The following CFAP57 variants were observed in gnomAD, a reference collection of about 807,000 sequenced individuals.
CFAP57 encodes the protein cilia and flagella associated protein 57, also known as cilia- and flagella-associated protein 57.
Under a neutral mutation model 146.8 loss-of-function variants are expected in CFAP57, and 116 were observed. The observed-to-expected ratio is 0.79, with a 90% CI of 0.68 to 0.92. CFAP57 has a LOEUF of 0.92. CFAP57 is among the 40% of genes least tolerant of loss of function. CFAP57 has a pLI of 0.00. For synonymous variants in CFAP57, 518 were observed against 552.8 expected, an observed-to-expected ratio of 0.94 and a Z score of 0.88; for missense variants, 1,377 against 1,527.2, an observed-to-expected ratio of 0.90 and a Z score of 1.64.
At chr1:43,236,857 CAAG>C (rs1645720799) in intron 21 of CFAP57, among the ~76,000 whole-genome samples, 1 of 150,566 alleles carries the variant, frequency 6.6e-6, no homozygotes, top group African/African-American at 2.5e-5. Context: ...TGCAGTGAGC[CAAG>C]ATCGGGCCAC....
At chr1:43,178,855 G>A (rs1262112238) in intron 2 of CFAP57, among the ~76,000 whole-genome samples, 1 of 152,090 alleles carries the variant, frequency 6.6e-6, no homozygotes, top group African/African-American at 2.4e-5. Flanking sequence ...TTGTGGCACT[G>A]TTCACAATAG....
intron 9 of CFAP57, among the ~76,000 whole-genome samples, chr1:43,200,983 G>A (rs1644097466): frequency 6.6e-6 from 1 of 152,210 alleles, no homozygotes; most frequent in Admixed American, 6.5e-5. Context: ...TGAAAGCTGG[G>A]TTAGGAACTA....
intron 2 of CFAP57, 80 bp downstream of exon 2, chr1:43,172,990 A>G: frequency 2.1e-6 from 3 of 1,403,078 alleles, no homozygotes; most frequent in Admixed American, 1.7e-5. Flanking sequence ...GATGATTGGA[A>G]AGAAAGATTT....
In CFAP57 at chr1:43,198,562, G is replaced by A; in HGVS notation, c.1344G>A (p.Gly448=). ...LHPSGHFIVV[G]FADKLRLMNL... ...CATCTGGACACTTCATTGTAGTAGGGTTTGCTGACAAACTACGCCTCATGA... is the reference window on the plus strand; with the variant it reads ...CATCTGGACACTTCATTGTAGTAGGATTTGCTGACAAACTACGCCTCATGA... The change falls in exon 8 of 23, where the codon GGG becomes GGA. Residue 448 remains glycine (G), a synonymous_variant. Transcript: ENST00000372492. 4 of 1,614,060 alleles carry A rather than the reference G, an allele frequency of 2.5e-6. No individual in the cohort carries two copies. The highest frequency in any genetic ancestry group is 2.2e-5 in the South Asian group (2 of 91,086).
At chr1:43,212,463 T>G (rs1023724962) in intron 11 of CFAP57, among the ~76,000 whole-genome samples, 3 of 152,224 alleles carry the variant, frequency 2.0e-5, no homozygotes, top group Non-Finnish European at 4.4e-5. Context: ...GATGTTTTGT[T>G]ACAGTCATAG....
intron 12 of CFAP57, among the ~76,000 whole-genome samples, chr1:43,216,270 G>GCT (rs1644829229): frequency 3.3e-5 from 5 of 152,160 alleles, no homozygotes; most frequent in Admixed American, 3.3e-4. Context: ...ATAGAAACAA[G>GCT]TAAAGCCATC....
rs1645153145 is a variant in CFAP57 at position 43,224,138 on chromosome 1, T to C, written c.2799T>C (p.Ser933=). The C allele has an allele frequency of 6.5e-7, 1 of 1,550,272 alleles. No individual in the cohort carries two copies. Among genetic ancestry groups the C allele is most frequent in the Admixed American group, 2.0e-5 (1 of 50,952 alleles). The part of the protein sequence containing the change: ...EQMKLQGVIK[S]LEKDIQGLKR... ...TGAAGCTGCAAGGAGTCATTAAGTC[T>C]CTGGAGAAGGACATCCAAGGCCTCA... The change falls in exon 17 of 23, where the codon TCT becomes TCC. Residue 933 remains serine, a synonymous_variant. Coordinates refer to ENST00000372492, the MANE Select transcript of CFAP57 (RefSeq NM_001378189.1).
chr1:43,186,669 TG>T, intron 5 of CFAP57, 37 bp from the exon 6 acceptor site: 1 of 1,597,456 alleles, frequency 6.3e-7, no homozygotes, highest in Non-Finnish European at 8.6e-7. Flanking sequence ...AATGACAACG[TG>T]GGGACATTAC....
intron 10 of CFAP57, 45 bp downstream of exon 10, chr1:43,206,977 C>A: frequency 6.3e-7 from 1 of 1,589,024 alleles, no homozygotes; most frequent in Non-Finnish European, 8.6e-7. Flanking sequence ...CACGGATCTG[C>A]AGGGACAGCT....
In CFAP57 at chr1:43,219,444, A is replaced by C; in HGVS notation, c.2154A>C (p.Gln718His). ...AATTAAAAATGGAGAATGAGTATCA[A>C]CTCCGACTAAAGGACATGAACTATT... ...VEELKMENEYQLRLKDMNYSE... is the reference protein window; with the variant it reads ...VEELKMENEYHLRLKDMNYSE... The change falls in exon 13 of 23, where the codon CAA becomes CAC. Residue 718 changes from glutamine (Q) to histidine (H), a missense_variant. By Grantham distance (24) the Gln-to-His change is conservative. Transcript: ENST00000372492. The C allele has an allele frequency of 6.4e-7, 1 of 1,550,606 alleles. No homozygotes were observed. The highest frequency in any genetic ancestry group is 8.7e-7 in the Non-Finnish European group (1 of 1,146,974).
intron 22 of CFAP57, among the ~76,000 whole-genome samples, chr1:43,245,851 A>G (rs2124674989): frequency 6.6e-6 from 1 of 152,348 alleles, no homozygotes; most frequent in South Asian, 2.1e-4. Flanking sequence ...CAAAGGATCA[A>G]AAATCACAAT....
At chr1:43,232,084 T>G (rs1403589097) in intron 18 of CFAP57, 1 of 701,578 alleles carries the variant, frequency 1.4e-6, no homozygotes, top group African/African-American at 1.7e-5. Flanking sequence ...CATTCTAAAG[T>G]GGCCCCAGAG....
chr1:43,224,166 C>T lies in CFAP57; in HGVS notation c.2827C>T (p.Arg943Ter), dbSNP rs745712926. 3.2e-5 allele frequency: 50 copies of T among 1,549,050 alleles called. No homozygotes were observed. The highest frequency in any genetic ancestry group is 4.1e-5 in the Non-Finnish European group (47 of 1,146,320). The stretch of plus-strand genomic sequence containing the variant: ...GGAGAAGGACATCCAAGGCCTCAAG[C>T]GAGAGATCCAGGAAAGAGACGAGAC... Reference protein sequence around the residue: ...SLEKDIQGLKREIQERDETIQ... With the variant: ...SLEKDIQGLK The change falls in exon 17 of 23, where the codon CGA (arginine) becomes TGA (stop). Residue 943 changes from arginine to a stop codon, truncating the protein, a stop_gained. Transcript: ENST00000372492. LOFTEE classifies it high-confidence loss of function.
At chr1:43,243,436 G>A (rs1646000882) in intron 22 of CFAP57, 77 bp downstream of exon 22, 1 of 1,410,544 alleles carries the variant, frequency 7.1e-7, no homozygotes, top group South Asian at 1.6e-5. Context: ...GTCTCCCTTT[G>A]GCTTCCTTCT....
Position 43,206,915 on chromosome 1 carries a change from G to C in CFAP57, c.1738G>C (p.Glu580Gln), listed in dbSNP as rs756958967. The C allele has an allele frequency of 6.2e-7, 1 of 1,613,800 alleles. No individual in the cohort carries two copies. The highest frequency in any genetic ancestry group is 8.5e-7 in the Non-Finnish European group (1 of 1,180,018). ...TGTTGGATCAGACCACACCCTCAAGGAGATTGCAGATTCCTTGGTGAGTCT... is the reference window on the plus strand; with the variant it reads ...TGTTGGATCAGACCACACCCTCAAGCAGATTGCAGATTCCTTGGTGAGTCT... Reference protein sequence around the residue: ...FAVGSDHTLKEIADSLILREI... With the variant: ...FAVGSDHTLKQIADSLILREI... Residue 580 changes from glutamate (E) to glutamine (Q), a missense_variant, in exon 10 of 23, where the codon GAG (glutamate) becomes CAG (glutamine). Transcript: ENST00000372492.
chr1:43,234,177 G>A, intron 19 of CFAP57, 102 bp from the exon 20 acceptor site: 1 of 1,299,656 alleles, frequency 7.7e-7, no homozygotes, highest in Non-Finnish European at 1.0e-6. Flanking sequence ...TCCCAGATGA[G>A]GCATCTCTTT....
chr1:43,223,374 G>A (rs1570216436), intron 16 of CFAP57, among the ~76,000 whole-genome samples: 4 of 152,306 alleles, frequency 2.6e-5, no homozygotes, highest in African/African-American at 9.6e-5. Flanking sequence ...TGAAGTCTTG[G>A]CCGGGAGGCA....
chr1:43,197,575 A>T lies in CFAP57; in HGVS notation c.1145A>T (p.Tyr382Phe). Residue 382 changes from tyrosine (Y) to phenylalanine (F), a missense_variant, in exon 7 of 23, where the codon TAT becomes TTT. Tyr to Phe is a conservative substitution (Grantham distance 22). Transcript: ENST00000372492. ...ISKGEPAHFE[Y>F]LMYPLHSAPI... ...TAGGGGGAGCCTGCTCACTTTGAGT[A>T]TTTGATGTATCCATTGCACTCAGCA... 2 of 1,614,048 alleles carry T rather than the reference A, an allele frequency of 1.2e-6. No homozygotes were observed. Among genetic ancestry groups the T allele is most frequent in the Non-Finnish European group, 1.7e-6 (2 of 1,180,022 alleles).
At chr1:43,181,500 T>C (rs1645405020) in intron 2 of CFAP57, 34 bp from the exon 3 acceptor site, 4 of 1,612,548 alleles carry the variant, frequency 2.5e-6, no homozygotes, top group Non-Finnish European at 3.4e-6. Context: ...AAGTGTGATC[T>C]ACCCTGATTA....
Sources: allele counts gnomAD v4.1 joint callset (sites outside exome capture counted in the v4.1 genomes callset), GRCh38; gene constraint gnomAD v4.1.1; transcripts MANE v1.5; gene names NCBI Gene and HGNC (gene_info 2026-07-23, HGNC 2026-07-21).